The following LPIN1 variants were observed in gnomAD, a reference collection of about 807,000 sequenced individuals.
LPIN1 encodes the protein phosphatidate phosphatase LPIN1.
In LPIN1, 71 loss-of-function variants were observed where a neutral mutation model predicts 107.5. The observed-to-expected ratio is 0.66, with a 90% CI of 0.55 to 0.80. LPIN1 has a LOEUF of 0.80. LPIN1 is among the 30% of genes least tolerant of loss of function. The probability of loss-of-function intolerance (pLI) is 0.00; values close to 1 mark genes in which losing one functional copy is unlikely to be tolerated. For synonymous variants in LPIN1, 445 were observed against 452.6 expected (o/e 0.98, Z 0.21); for missense variants, 1,043 against 1,160.6 (o/e 0.90, Z 1.47).
intron 1 of LPIN1, among the ~76,000 whole-genome samples, chr2:11,699,927 G>C (rs1345446955): frequency 6.6e-6 from 1 of 151,912 alleles, no homozygotes; most frequent in Admixed American, 6.6e-5. Flanking sequence ...CTGAAACTCA[G>C]TTTCTTCAAT....
rs368151203 is a variant in LPIN1 at position 11,724,714 on chromosome 2, C to A, written c.-72+175C>A. ...TTCCCGGTGACACAGGTCAATGTGT[C>A]CCCCATCGGGCTTCTCAGGCCCTGG... On this transcript the variant is annotated intron_variant, in intron 1 of 21. Transcript: ENST00000396097. 2.2e-4 allele frequency: 193 copies of A among 891,114 alleles called. No homozygotes were observed. The Middle Eastern group carries it at 5.1e-3, about 24-fold the overall frequency. The allele number at this position is 891,114 out of a possible 1,614,324, so 55.2% of individuals were successfully genotyped here. A position where few individuals can be genotyped will look rare whatever the true frequency, so the allele number is the denominator to read the frequency against.
chr2:11,759,489 C>T (rs867307835), intron 1 of LPIN1, among the ~76,000 whole-genome samples: 1 of 152,058 alleles, frequency 6.6e-6, no homozygotes, highest in Non-Finnish European at 1.5e-5. Flanking sequence ...CATGGAGCAC[C>T]GGGTTGGGGG....
rs370341812 is a variant in LPIN1 at position 11,786,182 on chromosome 2, C to T, written c.1550-892C>T. Among the ~76,000 whole-genome samples the T allele has an allele frequency of 3.3e-5, 5 of 152,044 alleles. No homozygotes were observed. The East Asian group carries it at 5.8e-4, about 18-fold the overall frequency. ...GGCCAGATCGTCACAGTCAGGAGACCCCAGGAGAGTCCCCGGAGGTCCTGA... is the reference window on the plus strand; with the variant it reads ...GGCCAGATCGTCACAGTCAGGAGACTCCAGGAGAGTCCCCGGAGGTCCTGA... On this transcript the variant is annotated intron_variant, in intron 10 of 20. Transcript: ENST00000674199. The surrounding 1 kb of genome is among the most constrained non-coding windows in gnomAD (Gnocchi z 4.1).
chr2:11,769,169 C>T (rs1170753455), intron 3 of LPIN1, among the ~76,000 whole-genome samples: 2 of 152,182 alleles, frequency 1.3e-5, no homozygotes, highest in African/African-American at 2.4e-5. Context: ...GCAGCTGTTC[C>T]ATTTTATATT....
At chr2:11,805,209 G>T (rs780528404) in intron 17 of LPIN1, 53 bp downstream of exon 17, 30 of 1,312,534 alleles carry the variant, frequency 2.3e-5, no homozygotes, top group Non-Finnish European at 3.3e-5. Flanking sequence ...TGTGTGCACC[G>T]CACTCTGCAT....
intron 1 of LPIN1, among the ~76,000 whole-genome samples, chr2:11,739,808 A>C (rs564224877): frequency 6.6e-6 from 1 of 152,370 alleles, no homozygotes; most frequent in Non-Finnish European, 1.5e-5. Flanking sequence ...CAGAAATGAC[A>C]TTCATGATAG....
chr2:11,804,885 G>A (rs1461601116), intron 16 of LPIN1, among the ~76,000 whole-genome samples, 185 bp from the exon 17 acceptor site: 2 of 151,928 alleles, frequency 1.3e-5, no homozygotes, highest in South Asian at 2.1e-4. Flanking sequence ...GACTGGAGGC[G>A]TCCTTCTGTG....
intron 1 of LPIN1, among the ~76,000 whole-genome samples, chr2:11,762,540 A>C (rs755458751): frequency 2.0e-5 from 3 of 152,124 alleles, no homozygotes; most frequent in Non-Finnish European, 2.9e-5. Flanking sequence ...TCCTCTGATT[A>C]AACTTTGGTG....
At chr2:11,734,130 C>A (rs1665548046) in intron 1 of LPIN1, among the ~76,000 whole-genome samples, 1 of 152,246 alleles carries the variant, frequency 6.6e-6, no homozygotes, top group South Asian at 2.1e-4. Context: ...TAGAGACCTT[C>A]ATTCACATTG....
At chr2:11,739,572 C>T (rs540094724) in intron 1 of LPIN1, among the ~76,000 whole-genome samples, 1 of 152,088 alleles carries the variant, frequency 6.6e-6, no homozygotes, top group African/African-American at 2.4e-5. Context: ...CTGGATCTGC[C>T]GTAACAATGT....
intron 1 of LPIN1, among the ~76,000 whole-genome samples, chr2:11,726,089 A>AT (rs775665516): frequency 3.3e-5 from 5 of 152,204 alleles, no homozygotes; most frequent in Non-Finnish European, 5.9e-5. Context: ...CTCCATGGCA[A>AT]TCAATTCACA....
intron 1 of LPIN1, among the ~76,000 whole-genome samples, chr2:11,733,191 C>T (rs1225776414): frequency 6.6e-6 from 1 of 152,122 alleles, no homozygotes; most frequent in Non-Finnish European, 1.5e-5. Flanking sequence ...CTACTCCCTT[C>T]CCCCTGCAGC....
intron 17 of LPIN1, among the ~76,000 whole-genome samples, chr2:11,808,073 T>C (rs1300820515): frequency 1.3e-5 from 2 of 152,138 alleles, no homozygotes; most frequent in African/African-American, 4.8e-5. Flanking sequence ...TCTCCATATT[T>C]TTATAGCCTT....
chr2:11,694,897 T>C (rs1304636282), intron 1 of LPIN1, among the ~76,000 whole-genome samples: 1 of 151,974 alleles, frequency 6.6e-6, no homozygotes, highest in Non-Finnish European at 1.5e-5. Context: ...ACAGCCGAGG[T>C]TCTCTATGAA....
At chr2:11,758,705 C>T (rs1384528246) in intron 1 of LPIN1, among the ~76,000 whole-genome samples, 3 of 152,220 alleles carry the variant, frequency 2.0e-5, no homozygotes, top group Non-Finnish European at 4.4e-5. Context: ...CAAAGCACCA[C>T]TAATCTAAGC....
chr2:11,825,340 G>C lies in LPIN1; in HGVS notation c.*549G>C, dbSNP rs1682235077. On this transcript the variant is annotated 3_prime_UTR_variant, in exon 21 of 21. Transcript: ENST00000674199. This position sits in a 1 kb window ranked among gnomAD's most constrained non-coding sequence, Gnocchi z 4.1. Reference sequence around the variant, plus strand: ...AGAAATCTGGACGCCACCGGGTCCAGGCCTGGCCTCAGACTTGGCCTTGTG... The same window carrying C: ...AGAAATCTGGACGCCACCGGGTCCACGCCTGGCCTCAGACTTGGCCTTGTG... 1.3e-5 allele frequency: 2 copies of C among 158,214 alleles called. No homozygotes were observed. Among genetic ancestry groups the C allele is most frequent in the Non-Finnish European group, 2.8e-5 (2 of 71,468 alleles). 9.8% of individuals were successfully genotyped at this position (158,214 alleles called of 1,614,324 possible).
rs530325515 is a variant in LPIN1 at position 11,700,670 on chromosome 2, G to A, written c.82-13086G>A. 2.6e-5 allele frequency among the ~76,000 whole-genome samples: 4 copies of A among 152,274 alleles called. No individual in the cohort carries two copies. The East Asian group carries it at 7.7e-4, about 29-fold the overall frequency. The stretch of plus-strand genomic sequence containing the variant: ...CTCCACTTGGCCACTTCCACAGTGT[G>A]TGGATAGGCTGTATGAAGCCGCTCT... On this transcript the variant is annotated intron_variant, in intron 1 of 21. Transcript: ENST00000449576.
intron 2 of LPIN1, among the ~76,000 whole-genome samples, chr2:11,715,134 G>A (rs57864232): frequency 0.027 from 4,081 of 152,282 alleles, 207 homozygotes; most frequent in African/African-American, 0.093. Context: ...ATTGAAGTAA[G>A]TGACCCCCTT....
intron 14 of LPIN1, 139 bp from the exon 15 acceptor site, chr2:11,802,768 G>T (rs572951205): frequency 2.2e-6 from 2 of 929,844 alleles, no homozygotes; most frequent in East Asian, 2.4e-5. Flanking sequence ...TAAATTTAAC[G>T]TCTTATGGTA....
Sources: allele counts gnomAD v4.1 joint callset (sites outside exome capture counted in the v4.1 genomes callset), GRCh38; gene constraint gnomAD v4.1.1; non-coding constraint Gnocchi (gnomAD v3.1); transcripts MANE v1.5; gene names NCBI Gene and HGNC (gene_info 2026-07-23, HGNC 2026-07-21).